Variants in NAV2 observed in about 807,000 individuals in gnomAD.
NAV2 encodes neuron navigator 2, also known as helicase, APC down-regulated 1.
Under a neutral mutation model 223.2 loss-of-function variants are expected in NAV2, and 54 were observed. That is an observed-to-expected ratio of 0.24 (90% CI 0.19 to 0.30). The LOEUF (loss-of-function observed/expected upper bound fraction) is 0.30, where lower values mean the gene tolerates loss of function less well. Among genes scored for constraint, NAV2 ranks in the 10% least tolerant of loss-of-function variants. The pLI is 1.00. For missense variants in NAV2, 2,806 were observed against 3,147.5 expected, an observed-to-expected ratio of 0.89 and a Z score of 2.60; for synonymous variants, 1,279 against 1,239.3, an observed-to-expected ratio of 1.03 and a Z score of -0.67.
chr11:19,584,856 T>C (rs975699245), intron 1 of NAV2, among the ~76,000 whole-genome samples: 3 of 152,238 alleles, frequency 2.0e-5, no homozygotes, highest in African/African-American at 7.2e-5. Context: ...GTATATTCTG[T>C]TGATTTGGGG....
chr11:20,009,055 A>G (rs557031913), intron 11 of NAV2, among the ~76,000 whole-genome samples: 2 of 152,292 alleles, frequency 1.3e-5, no homozygotes, highest in African/African-American at 4.8e-5. Context: ...TCACGTGGCT[A>G]CACAGGCATC....
chr11:19,949,416 C>A (rs529251834), intron 10 of NAV2, among the ~76,000 whole-genome samples: 1 of 152,340 alleles, frequency 6.6e-6, no homozygotes, highest in Admixed American at 6.5e-5. Flanking sequence ...CCTGTACCTG[C>A]CTCTTAGATC....
chr11:19,674,967 A>G (rs756978421), intron 1 of NAV2, among the ~76,000 whole-genome samples: 8 of 152,210 alleles, frequency 5.3e-5, no homozygotes, highest in Non-Finnish European at 1.0e-4. Context: ...TAGGAAATCC[A>G]TGCAAAGAGC....
Position 20,120,830 on chromosome 11 carries a change from T to C in NAV2, c.*2572T>C, listed in dbSNP as rs2063439590. 1 of 150,912 alleles carries C rather than the reference T, an allele frequency of 6.6e-6. No homozygotes were observed. The highest frequency in any genetic ancestry group is 2.1e-4 in the South Asian group (1 of 4,814). 9.3% of individuals were successfully genotyped at this position (150,912 alleles called of 1,614,324 possible). ...TATTTTGGTCATATTTTTACTTTAG[T>C]GTCACTCACCTTTTACAAAGTGACT... On this transcript the variant is annotated 3_prime_UTR_variant, in exon 38 of 38. Coordinates refer to ENST00000349880, the MANE Select transcript of NAV2 (RefSeq NM_145117.5).
Position 19,702,623 on chromosome 11 carries a change from A to T in NAV2, c.76-129861A>T, listed in dbSNP as rs1020921443. Among the ~76,000 whole-genome samples the T allele has an allele frequency of 1.7e-4, 26 of 152,092 alleles. 1 individual carries two copies. The highest frequency in any genetic ancestry group is 1.6e-3 in the Admixed American group (25 of 15,274). Reference sequence around the variant, plus strand: ...ATGGAACCCTGTCTCTATGAAAAATACAAAAATTAGCTGGCACAGTGGTGC... The same window carrying T: ...ATGGAACCCTGTCTCTATGAAAAATTCAAAAATTAGCTGGCACAGTGGTGC... On this transcript the variant is annotated intron_variant, in intron 1 of 37. Transcript: ENST00000360655.
chr11:19,625,798 A>G (rs894227429), intron 1 of NAV2, among the ~76,000 whole-genome samples: 3 of 151,998 alleles, frequency 2.0e-5, no homozygotes, highest in African/African-American at 7.3e-5. Context: ...CCTGATTACT[A>G]GTGATGTTGA....
intron 1 of NAV2, among the ~76,000 whole-genome samples, chr11:19,747,160 T>C (rs2053438713): frequency 6.7e-6 from 1 of 149,826 alleles, no homozygotes; most frequent in Non-Finnish European, 1.5e-5. Flanking sequence ...TTTTTGTCCT[T>C]GCGATAGTTT....
At chr11:19,355,566 T>C (rs181842206) in intron 1 of NAV2, among the ~76,000 whole-genome samples, 1 of 152,312 alleles carries the variant, frequency 6.6e-6, no homozygotes, top group Non-Finnish European at 1.5e-5. Flanking sequence ...TCAGAATTGT[T>C]TGACCTTCTC....
chr11:19,625,811 A>AT (rs60507495), intron 1 of NAV2, among the ~76,000 whole-genome samples: 9 of 151,512 alleles, frequency 5.9e-5, no homozygotes, highest in East Asian at 1.9e-4. Context: ...GATGTTGAAC[A>AT]TTTTTTTTCA....
chr11:19,968,515 C>T (rs570267875), intron 10 of NAV2, among the ~76,000 whole-genome samples: 1 of 152,286 alleles, frequency 6.6e-6, no homozygotes, highest in East Asian at 1.9e-4. Flanking sequence ...CCACTGTGCC[C>T]AGCCTTAATA....
At chr11:19,570,398 A>G (rs1351571001) in intron 1 of NAV2, among the ~76,000 whole-genome samples, 2 of 152,246 alleles carry the variant, frequency 1.3e-5, no homozygotes, top group Admixed American at 6.5e-5. Flanking sequence ...TGGATTTGGC[A>G]ATGGATTGTT....
intron 2 of NAV2, among the ~76,000 whole-genome samples, chr11:19,832,815 T>A (rs1387364834): frequency 6.6e-6 from 1 of 152,208 alleles, no homozygotes; most frequent in Non-Finnish European, 1.5e-5. Flanking sequence ...AATATCATCT[T>A]GATTCTCTTA....
chr11:20,055,337 C>A (rs1389051184), intron 18 of NAV2, among the ~76,000 whole-genome samples: 1 of 152,184 alleles, frequency 6.6e-6, no homozygotes, highest in Non-Finnish European at 1.5e-5. Flanking sequence ...GCAATGGGAT[C>A]TGTGTTCATA....
At chr11:20,049,957 G>A (rs909020728) in intron 16 of NAV2, 56 bp downstream of exon 16, 39 of 1,552,034 alleles carry the variant, frequency 2.5e-5, no homozygotes, top group African/African-American at 1.4e-4. Context: ...CTGCCCATTC[G>A]TTGTCAAGCC....
At chr11:20,089,148 T>G (rs564816101) in intron 26 of NAV2, among the ~76,000 whole-genome samples, 5 of 152,228 alleles carry the variant, frequency 3.3e-5, no homozygotes, top group Non-Finnish European at 7.3e-5. Flanking sequence ...TCTATTGGCT[T>G]CAGTCTCTCA....
At chr11:19,486,604 G>A (rs1480954815) in intron 1 of NAV2, among the ~76,000 whole-genome samples, 1 of 152,168 alleles carries the variant, frequency 6.6e-6, no homozygotes, top group South Asian at 2.1e-4. Context: ...AAAGAAGTAC[G>A]TGTTTGCTTC....
At chr11:19,501,383 A>G (rs1016734822) in intron 1 of NAV2, among the ~76,000 whole-genome samples, 3 of 152,000 alleles carry the variant, frequency 2.0e-5, no homozygotes, top group Non-Finnish European at 2.9e-5. Flanking sequence ...CCAGTACCTC[A>G]TCTAATTAGG....
intron 1 of NAV2, among the ~76,000 whole-genome samples, chr11:19,441,273 C>A (rs1851390700): frequency 6.6e-6 from 1 of 152,120 alleles, no homozygotes; most frequent in Non-Finnish European, 1.5e-5. Context: ...GGAGGAGATT[C>A]CCCTACAAGG....
intron 1 of NAV2, among the ~76,000 whole-genome samples, chr11:19,536,589 C>T (rs758942573): frequency 3.3e-5 from 5 of 152,196 alleles, no homozygotes; most frequent in Non-Finnish European, 5.9e-5. Context: ...GATATTTGTT[C>T]AGCACTTACT....
Sources: allele counts gnomAD v4.1 joint callset (sites outside exome capture counted in the v4.1 genomes callset), GRCh38; gene constraint gnomAD v4.1.1; transcripts MANE v1.5; gene names NCBI Gene and HGNC (gene_info 2026-07-23, HGNC 2026-07-21).